The following RAB38 variants were observed in gnomAD, a reference collection of about 807,000 sequenced individuals.
RAB38 encodes RAB38, member RAS oncogene family, also known as ras-related protein Rab-38.
Under a neutral mutation model 18.4 loss-of-function variants are expected in RAB38, and 15 were observed. The observed-to-expected ratio is 0.82, with a 90% CI of 0.55 to 1.26. RAB38 has a LOEUF of 1.26. Ranked by LOEUF, RAB38 falls within the 50% of genes most tolerant of loss-of-function variation. The pLI is 0.00. For missense variants in RAB38, 294 were observed against 267.4 expected, an observed-to-expected ratio of 1.10 and a Z score of -0.69; for synonymous variants, 101 against 104.4, an observed-to-expected ratio of 0.97 and a Z score of 0.20.
At chr11:87,884,020 CTTA>C in the RAB38 span, among the ~76,000 whole-genome samples, 2 of 151,982 alleles carry the variant, frequency 1.3e-5, no homozygotes, top group South Asian at 2.1e-4. Context: ...ATATGCTACT[CTTA>C]TTATTAGGCA....
the RAB38 span, among the ~76,000 whole-genome samples, chr11:87,931,079 A>G: frequency 6.6e-6 from 1 of 152,118 alleles, no homozygotes; most frequent in African/African-American, 2.4e-5. Flanking sequence ...ACTTTAAAGT[A>G]GTTGTTTCCA....
the RAB38 span, among the ~76,000 whole-genome samples, chr11:87,947,604 TA>T: frequency 1.3e-5 from 2 of 152,288 alleles, no homozygotes; most frequent in South Asian, 2.1e-4. Context: ...GCTTTCTACA[TA>T]TGGCTAGCCA....
At chr11:87,902,041 A>T in the RAB38 span, among the ~76,000 whole-genome samples, 1 of 151,436 alleles carries the variant, frequency 6.6e-6, no homozygotes, top group Admixed American at 6.6e-5. Context: ...AGATATGTGA[A>T]TACTTTGATT....
chr11:88,172,932 C>G (rs1231988420), intron 1 of RAB38, among the ~76,000 whole-genome samples: 1 of 152,224 alleles, frequency 6.6e-6, no homozygotes, highest in Non-Finnish European at 1.5e-5. Context: ...CTGGGAAAAA[C>G]AAGCTCCTCT....
chr11:87,921,874 T>C, the RAB38 span, among the ~76,000 whole-genome samples: 1 of 151,862 alleles, frequency 6.6e-6, no homozygotes, highest in South Asian at 2.1e-4. Context: ...TAAAAATGAT[T>C]AAAGAGATGA....
chr11:88,158,988 T>C (rs1258186203), intron 1 of RAB38, among the ~76,000 whole-genome samples: 3 of 151,916 alleles, frequency 2.0e-5, no homozygotes, highest in Non-Finnish European at 4.4e-5. Flanking sequence ...TCTCTCTTTA[T>C]GGCCAATATG....
the RAB38 span, among the ~76,000 whole-genome samples, chr11:88,051,676 G>A: frequency 6.6e-6 from 1 of 152,184 alleles, no homozygotes; most frequent in Non-Finnish European, 1.5e-5. Context: ...TAGCACAGAT[G>A]TTGAAATTAT....
At chr11:88,082,674 C>A in the RAB38 span, among the ~76,000 whole-genome samples, 1 of 151,884 alleles carries the variant, frequency 6.6e-6, no homozygotes, top group Non-Finnish European at 1.5e-5. Context: ...CCTGCAAGCT[C>A]CATCTTTAAC....
chr11:88,052,190 T>C, the RAB38 span, among the ~76,000 whole-genome samples: 1 of 151,464 alleles, frequency 6.6e-6, no homozygotes, highest in East Asian at 1.9e-4. Flanking sequence ...TAGAGATGAA[T>C]AGAGAATAGA....
chr11:88,008,629 G>A, the RAB38 span, among the ~76,000 whole-genome samples: 1 of 152,198 alleles, frequency 6.6e-6, no homozygotes, highest in Non-Finnish European at 1.5e-5. Context: ...AAAGAAAACA[G>A]AGAGATTATT....
chr11:88,150,031 C>G lies in RAB38; in HGVS notation c.203-76G>C. ...ATCATATTATAACTTCATGAAGCCT[C>G]CAAGATGAGCAAGTCAATCAGTAAA... On this transcript the variant is annotated intron_variant, in intron 1 of 2. Transcript: ENST00000243662. 20 of 1,435,338 alleles carry G rather than the reference C, an allele frequency of 1.4e-5. 1 individual carries two copies. The South Asian group carries it at 2.7e-4, about 19-fold the overall frequency. 88.9% of individuals were successfully genotyped at this position (1,435,338 alleles called of 1,614,324 possible).
At chr11:87,930,171 A>C in the RAB38 span, among the ~76,000 whole-genome samples, 1 of 152,152 alleles carries the variant, frequency 6.6e-6, no homozygotes, top group African/African-American at 2.4e-5. Context: ...ACTAGTTTAC[A>C]GTCCCACCAA....
At chr11:87,811,470 T>C in the RAB38 span, among the ~76,000 whole-genome samples, 3 of 152,186 alleles carry the variant, frequency 2.0e-5, no homozygotes, top group Admixed American at 1.3e-4. Context: ...ATTGGCCTCT[T>C]CTTACCTCTT....
chr11:87,890,647 G>A, the RAB38 span, among the ~76,000 whole-genome samples: 11 of 151,762 alleles, frequency 7.2e-5, no homozygotes, highest in South Asian at 1.0e-3. Flanking sequence ...CAAACAGGCC[G>A]GTCTCTAGCC....
chr11:87,976,164 ATGTATATAGG>A, the RAB38 span, among the ~76,000 whole-genome samples: 1 of 148,054 alleles, frequency 6.8e-6, no homozygotes, highest in African/African-American at 2.5e-5. Context: ...ATATACCTTT[ATGTATATAGG>A]TATATATAGG....
the RAB38 span, among the ~76,000 whole-genome samples, chr11:88,039,263 A>C: frequency 6.6e-6 from 1 of 152,240 alleles, no homozygotes; most frequent in South Asian, 2.1e-4. Flanking sequence ...GGAATTAGGA[A>C]GTTTTGATCA....
chr11:87,940,893 A>G, the RAB38 span, among the ~76,000 whole-genome samples: 1 of 151,942 alleles, frequency 6.6e-6, no homozygotes, highest in Non-Finnish European at 1.5e-5. Flanking sequence ...CGGCCTCCCA[A>G]AGTGCTGAGA....
intron 2 of RAB38, among the ~76,000 whole-genome samples, chr11:88,141,834 T>A (rs1484429283): frequency 6.6e-6 from 1 of 152,214 alleles, no homozygotes; most frequent in Admixed American, 6.5e-5. Flanking sequence ...TCTCTGCCTT[T>A]GGAAATTCTA....
the RAB38 span, among the ~76,000 whole-genome samples, chr11:88,013,810 T>C: frequency 6.6e-6 from 1 of 152,156 alleles, no homozygotes; most frequent in South Asian, 2.1e-4. Context: ...ATGGCTATTT[T>C]TCAAGGCCAT....
Sources: allele counts gnomAD v4.1 joint callset (sites outside exome capture counted in the v4.1 genomes callset), GRCh38; gene constraint gnomAD v4.1.1; transcripts MANE v1.5; gene names NCBI Gene and HGNC (gene_info 2026-07-23, HGNC 2026-07-21).